Variants in RBFOX1 observed in about 807,000 individuals in gnomAD.
RBFOX1 encodes RNA binding protein fox-1 homolog 1.
In RBFOX1, 8 loss-of-function variants were observed where a neutral mutation model predicts 57.7. That is an observed-to-expected ratio of 0.14 (90% confidence interval 0.08 to 0.25). The LOEUF (loss-of-function observed/expected upper bound fraction) is 0.25, where lower values mean the gene tolerates loss of function less well. Among genes scored for constraint, RBFOX1 ranks in the 10% least tolerant of loss-of-function variants. RBFOX1 has a pLI of 1.00. For missense variants in RBFOX1, 611 were observed against 548.5 expected (o/e 1.11, Z -1.14); for synonymous variants, 326 against 222.4 (o/e 1.47, Z -4.15).
intron 2 of RBFOX1, among the ~76,000 whole-genome samples, chr16:6,495,835 G>A (rs913817317): frequency 5.3e-5 from 8 of 152,184 alleles, no homozygotes; most frequent in Non-Finnish European, 7.3e-5. Flanking sequence ...TATTGAAGAC[G>A]TGGAATTGTT....
intron 1 of RBFOX1, among the ~76,000 whole-genome samples, chr16:5,347,037 C>CT (rs2151306652): frequency 6.6e-6 from 1 of 152,128 alleles, no homozygotes; most frequent in African/African-American, 2.4e-5. Flanking sequence ...TTGTTCCTGA[C>CT]TTTATCCAGG....
intron 4 of RBFOX1, among the ~76,000 whole-genome samples, chr16:7,491,800 AAT>A (rs756037918): frequency 6.6e-6 from 1 of 151,924 alleles, no homozygotes; most frequent in African/African-American, 2.4e-5. Context: ...CCAGCTAATT[AAT>A]ATATATATAT....
chr16:5,348,191 C>T (rs1528323), intron 1 of RBFOX1, among the ~76,000 whole-genome samples: 130,984 of 151,246 alleles, frequency 0.87, 58,890 homozygotes, highest in East Asian at 1. Context: ...ATAATCTACT[C>T]TTCCACCCGC....
intron 4 of RBFOX1, among the ~76,000 whole-genome samples, chr16:7,243,328 C>G (rs973600060): frequency 6.6e-6 from 1 of 152,150 alleles, no homozygotes; most frequent in African/African-American, 2.4e-5. Context: ...AGCAACTAGA[C>G]TTCTCTGACC....
intron 3 of RBFOX1, among the ~76,000 whole-genome samples, chr16:7,033,724 C>A (rs527266894): frequency 1.3e-5 from 2 of 151,850 alleles, no homozygotes; most frequent in Non-Finnish European, 2.9e-5. Context: ...CCGGGCGTGG[C>A]GACTTATGCC....
chr16:6,165,332 C>G (rs968043111), intron 1 of RBFOX1, among the ~76,000 whole-genome samples: 14 of 151,992 alleles, frequency 9.2e-5, no homozygotes, highest in African/African-American at 1.2e-4. Flanking sequence ...TCTGAACTAC[C>G]CTTACCAGTG....
chr16:7,500,684 A>G (rs1472652495), intron 4 of RBFOX1, among the ~76,000 whole-genome samples: 1 of 152,306 alleles, frequency 6.6e-6, no homozygotes, highest in African/African-American at 2.4e-5. Context: ...ATAGATGTGA[A>G]TGATACCCAT....
chr16:5,854,040 T>G (rs1462831957), intron 3 of RBFOX1, among the ~76,000 whole-genome samples: 1 of 152,230 alleles, frequency 6.6e-6, no homozygotes, highest in African/African-American at 2.4e-5. Flanking sequence ...TTTTGCCAGC[T>G]TTATTGAGGC....
intron 4 of RBFOX1, among the ~76,000 whole-genome samples, chr16:7,206,200 A>G (rs573337215): frequency 6.6e-6 from 1 of 152,288 alleles, no homozygotes; most frequent in South Asian, 2.1e-4. Flanking sequence ...TAACCTTTCT[A>G]GGGAGACCCA....
At chr16:7,300,921 G>T (rs2141996331) in intron 4 of RBFOX1, among the ~76,000 whole-genome samples, 1 of 152,276 alleles carries the variant, frequency 6.6e-6, no homozygotes, top group Middle Eastern at 3.4e-3. Flanking sequence ...CAGGCAGGGT[G>T]GCCCTTGAAT....
intron 1 of RBFOX1, among the ~76,000 whole-genome samples, chr16:5,406,532 C>T (rs1057232765): frequency 2.0e-5 from 3 of 151,870 alleles, no homozygotes; most frequent in Non-Finnish European, 4.4e-5. Flanking sequence ...AGTGTCATAC[C>T]TTATAATAAA....
chr16:6,931,295 GTCTATCTATCTATCTA>G (rs1161231181), intron 3 of RBFOX1, among the ~76,000 whole-genome samples: 53 of 136,234 alleles, frequency 3.9e-4, no homozygotes, highest in Non-Finnish European at 7.5e-4. Flanking sequence ...CTGTCTGTCT[GTCTATCTATCTATCTA>G]TCTATCTATC....
At position 5,522,617 on chromosome 16, in the gene RBFOX1, C is replaced by T. The variant is rs564096418; in HGVS notation, c.258+55363C>T. ...CTTAACTATAGTCACTCTACTCTGC[C>T]ATGGAAGATGAGATCTTATTCTTTC... On this transcript the variant is annotated intron_variant, in intron 2 of 2. Coordinates refer to the RBFOX1 transcript ENST00000585867. Among the ~76,000 whole-genome samples, 136 of 152,272 alleles carry T rather than the reference C, an allele frequency of 8.9e-4. 3 individuals carry two copies. Among genetic ancestry groups the T allele is most frequent in the Admixed American group, 2.4e-3 (36 of 15,298 alleles).
chr16:6,542,446 T>G (rs371812191), intron 2 of RBFOX1, among the ~76,000 whole-genome samples: 1 of 149,250 alleles, frequency 6.7e-6, no homozygotes, highest in East Asian at 2.0e-4. Context: ...TCTCAGTGGA[T>G]AATCGCATGA....
chr16:7,638,052 A>T lies in RBFOX1; in HGVS notation c.757+7369A>T, dbSNP rs922531388. Reference sequence around the variant, plus strand: ...TAAAAAATAATTTGGGTGTTAAAAGATTGCATTAAAACATGATCTATCTCC... The same window carrying T: ...TAAAAAATAATTTGGGTGTTAAAAGTTTGCATTAAAACATGATCTATCTCC... On this transcript the variant is annotated intron_variant, in intron 11 of 15. Coordinates refer to ENST00000550418, the MANE Select transcript of RBFOX1 (RefSeq NM_018723.4). Among the ~76,000 whole-genome samples, 3 of 152,268 alleles carry T rather than the reference A, an allele frequency of 2.0e-5. No homozygotes were observed. In the East Asian group the frequency reaches 5.8e-4, roughly 29 times the overall value.
intron 3 of RBFOX1, chr16:6,983,606 C>A (rs963089794): frequency 6.6e-6 from 1 of 152,098 alleles, no homozygotes; most frequent in African/African-American, 2.4e-5. Context: ...GGCAACATGG[C>A]AACTTTTATA....
chr16:6,945,884 C>G (rs114340573), intron 3 of RBFOX1, among the ~76,000 whole-genome samples: 2,709 of 152,304 alleles, frequency 0.018, 85 homozygotes, highest in African/African-American at 0.062. Flanking sequence ...GAGCAAGACT[C>G]TCGTCCCCCA....
At chr16:6,434,885 C>T (rs1028676023) in intron 2 of RBFOX1, among the ~76,000 whole-genome samples, 2 of 152,178 alleles carry the variant, frequency 1.3e-5, no homozygotes, top group African/African-American at 2.4e-5. Context: ...GTGCTAGGCA[C>T]CCCAGGAGGT....
chr16:5,345,991 TA>T (rs200214126), intron 1 of RBFOX1, among the ~76,000 whole-genome samples: 2,054 of 152,306 alleles, frequency 0.013, 24 homozygotes, highest in Admixed American at 0.029. Flanking sequence ...GCTCATGGAA[TA>T]ACATGGTGTG....
Sources: allele counts gnomAD v4.1 joint callset (sites outside exome capture counted in the v4.1 genomes callset), GRCh38; gene constraint gnomAD v4.1.1; transcripts MANE v1.5; gene names NCBI Gene and HGNC (gene_info 2026-07-23, HGNC 2026-07-21).